The following SDK1 variants were observed in gnomAD, a reference collection of about 807,000 sequenced individuals.
The protein encoded by SDK1 is protein sidekick-1.
A neutral mutation model predicts 245.5 loss-of-function variants in SDK1; 157 were observed. That is an observed-to-expected ratio of 0.64 (90% confidence interval 0.56 to 0.73). The LOEUF is 0.73. Among genes scored for constraint, SDK1 ranks in the 30% least tolerant of loss-of-function variants. The pLI is 0.00. For synonymous variants in SDK1, 1,647 were observed against 1,278.5 expected (o/e 1.29, Z -6.15); for missense variants, 3,583 against 3,002.3 (o/e 1.19, Z -4.52).
intron 5 of SDK1, among the ~76,000 whole-genome samples, chr7:3,876,052 A>C (rs1583501510): frequency 1.3e-5 from 2 of 152,056 alleles, no homozygotes; most frequent in African/African-American, 4.8e-5. Flanking sequence ...ATGTCATTCC[A>C]ATCCACCGCT....
At chr7:3,592,332 A>G (rs1285618680) in intron 1 of SDK1, among the ~76,000 whole-genome samples, 1 of 152,184 alleles carries the variant, frequency 6.6e-6, no homozygotes, top group Non-Finnish European at 1.5e-5. Context: ...TTACATTCAG[A>G]TGTTCCAGAA....
intron 22 of SDK1, among the ~76,000 whole-genome samples, chr7:4,094,634 C>T (rs888372601): frequency 2.0e-5 from 3 of 152,222 alleles, no homozygotes; most frequent in African/African-American, 2.4e-5. Flanking sequence ...AGGACCGGGA[C>T]CTCAGAGGAG....
chr7:3,761,260 C>CTTTTTTTTTTTTTTTTTTTTTTTT (rs71029692), intron 4 of SDK1, among the ~76,000 whole-genome samples: 2 of 93,730 alleles, frequency 2.1e-5, no homozygotes, highest in African/African-American at 4.2e-5. Context: ...GCCCCCCCTC[C>CTTTTTTTTTTTTTTTTTTTTTTTT]TTTTTTTTTT....
intron 22 of SDK1, among the ~76,000 whole-genome samples, chr7:4,088,936 C>T (rs1781602964): frequency 6.6e-6 from 1 of 152,028 alleles, no homozygotes; most frequent in South Asian, 2.1e-4. Context: ...GGAGGTGAGA[C>T]CCTTGTGGGC....
chr7:3,791,743 T>G (rs1412183449), intron 4 of SDK1, among the ~76,000 whole-genome samples: 1 of 152,180 alleles, frequency 6.6e-6, no homozygotes, highest in African/African-American at 2.4e-5. Flanking sequence ...GGGTGATCTG[T>G]TCGGAGAGTG....
chr7:3,908,905 C>A (rs1408216785), intron 5 of SDK1, among the ~76,000 whole-genome samples: 3 of 151,388 alleles, frequency 2.0e-5, no homozygotes, highest in Non-Finnish European at 4.4e-5. Context: ...GACTCTCCTA[C>A]TTCCCTAGGA....
intron 4 of SDK1, among the ~76,000 whole-genome samples, chr7:3,656,070 C>T (rs888027217): frequency 6.6e-6 from 1 of 152,170 alleles, no homozygotes; most frequent in African/African-American, 2.4e-5. Context: ...TACATGAGCA[C>T]ACATTAGTAT....
At position 3,391,606 on chromosome 7, in the gene SDK1, A is replaced by G. The variant is rs368489522; in HGVS notation, c.298+89722A>G. ...GGCACTGGCTTTCAGAGAAAAGAAT[A>G]AAAGTATATACATGTATCCTGTTAA... On this transcript the variant is annotated intron_variant, in intron 1 of 44. Coordinates refer to ENST00000404826, the MANE Select transcript of SDK1 (RefSeq NM_152744.4). Among the ~76,000 whole-genome samples, 135 of 151,930 alleles carry G rather than the reference A, an allele frequency of 8.9e-4. 5 individuals carry two copies. The South Asian group carries it at 0.027, about 30-fold the overall frequency.
At chr7:4,048,715 C>A (rs763883067) in intron 17 of SDK1, among the ~76,000 whole-genome samples, 3 of 152,210 alleles carry the variant, frequency 2.0e-5, no homozygotes, top group East Asian at 1.9e-4. Context: ...CTGCCTCTTA[C>A]AGTTACACGA....
Position 4,158,652 on chromosome 7 carries a change from G to GCCCT in SDK1, c.4729+101_4729+102insCCCT, listed in dbSNP as rs1780923539. The GCCCT allele has an allele frequency of 2.7e-5, 21 of 785,742 alleles. No individual in the cohort carries two copies. In the South Asian group the frequency reaches 3.2e-4, roughly 12 times the overall value. 48.7% of individuals were successfully genotyped at this position (785,742 alleles called of 1,614,324 possible). On this transcript the variant is annotated intron_variant, in intron 31 of 44. Coordinates refer to ENST00000404826, the MANE Select transcript of SDK1 (RefSeq NM_152744.4). Reference sequence around the variant, plus strand: ...CTTGAGCCAGAAAGGGGCCACCAGGGAGTGGTGGAAAGCAGTAGAATTCCA... The same window carrying GCCCT: ...CTTGAGCCAGAAAGGGGCCACCAGGGCCCTAGTGGTGGAAAGCAGTAGAATTCCA...
At chr7:3,780,982 C>T (rs1449650245) in intron 4 of SDK1, among the ~76,000 whole-genome samples, 2 of 152,140 alleles carry the variant, frequency 1.3e-5, no homozygotes, top group Non-Finnish European at 2.9e-5. Context: ...AGCAGGGAGA[C>T]TCCCACCTTC....
intron 4 of SDK1, among the ~76,000 whole-genome samples, chr7:3,720,493 G>C (rs908413735): frequency 6.6e-6 from 1 of 152,116 alleles, no homozygotes; most frequent in African/African-American, 2.4e-5. Flanking sequence ...AACTTTACTA[G>C]CCACCAGGAA....
intron 4 of SDK1, among the ~76,000 whole-genome samples, chr7:3,669,504 C>G (rs575510659): frequency 4.9e-5 from 7 of 142,686 alleles, no homozygotes; most frequent in South Asian, 4.8e-4. Flanking sequence ...TCTTTAACCA[C>G]TCTCTTCTTT....
intron 22 of SDK1, among the ~76,000 whole-genome samples, chr7:4,094,165 T>A (rs1781990979): frequency 6.6e-6 from 1 of 152,136 alleles, no homozygotes. Context: ...CAAGCGATTC[T>A]CCTGCCTCAG....
At chr7:3,913,916 A>G (rs970937850) in intron 5 of SDK1, among the ~76,000 whole-genome samples, 1 of 152,160 alleles carries the variant, frequency 6.6e-6, no homozygotes, top group Non-Finnish European at 1.5e-5. Flanking sequence ...CAGATTACAC[A>G]TTAAGTTAGT....
rs753532013 is a variant in SDK1 at position 3,974,560 on chromosome 7, G to A, written c.1994+15G>A. On this transcript the variant is annotated intron_variant, in intron 13 of 44. Transcript: ENST00000404826. ...CTGGAAGTGATGTGAGTACTGAGACGTTTGGTGTTAGCCAGTCCGCGGTTT... is the reference window on the plus strand; with the variant it reads ...CTGGAAGTGATGTGAGTACTGAGACATTTGGTGTTAGCCAGTCCGCGGTTT... 12 of 1,612,416 alleles carry A rather than the reference G, an allele frequency of 7.4e-6. No homozygotes were observed. Among genetic ancestry groups the A allele is most frequent in the African/African-American group, 2.7e-5 (2 of 74,876 alleles).
At chr7:3,783,618 C>T (rs894089128) in intron 4 of SDK1, among the ~76,000 whole-genome samples, 1 of 152,132 alleles carries the variant, frequency 6.6e-6, no homozygotes, top group Non-Finnish European at 1.5e-5. Flanking sequence ...TCATTTACAA[C>T]AGCTACGAAA....
intron 35 of SDK1, among the ~76,000 whole-genome samples, chr7:4,204,863 C>A (rs558042987): frequency 7.8e-6 from 1 of 128,830 alleles, no homozygotes; most frequent in Admixed American, 7.5e-5. Flanking sequence ...AAGTGCGCAG[C>A]GTGGAATTCA....
At chr7:3,830,519 A>C (rs886448040) in intron 5 of SDK1, among the ~76,000 whole-genome samples, 2 of 152,282 alleles carry the variant, frequency 1.3e-5, no homozygotes, top group East Asian at 3.9e-4. Flanking sequence ...TTTTGGAGAC[A>C]GGGTCTTGCT....
Sources: gnomAD v4.1 joint callset for allele counts (sites outside exome capture counted in the v4.1 genomes callset) on GRCh38, gnomAD v4.1.1 for gene constraint, MANE v1.5 for transcripts, NCBI Gene and HGNC (gene_info 2026-07-23, HGNC 2026-07-21) for gene names.